The following ADAMTS19 variants were observed in gnomAD, a reference collection of about 807,000 sequenced individuals.
The protein encoded by ADAMTS19 is ADAM metallopeptidase with thrombospondin type 1 motif 19.
ADAMTS19 carries 93 observed loss-of-function variants against 153.3 expected under a neutral mutation model. The ratio of observed to expected loss-of-function variants is 0.61; its 90% CI spans 0.51 to 0.72. The LOEUF (loss-of-function observed/expected upper bound fraction) is 0.72. ADAMTS19 is among the 30% of genes least tolerant of loss of function. The probability of loss-of-function intolerance (pLI) is 0.00; values close to 1 mark genes in which losing one functional copy is unlikely to be tolerated. For synonymous variants in ADAMTS19, 600 were observed against 556.6 expected (o/e 1.08, Z -1.10); for missense variants, 1,482 against 1,552.1 (o/e 0.95, Z 0.76).
intron 21 of ADAMTS19, among the ~76,000 whole-genome samples, chr5:129,722,557 C>T (rs552115785): frequency 1.3e-5 from 2 of 152,122 alleles, no homozygotes; most frequent in Non-Finnish European, 2.9e-5. Context: ...CCTTTTCATT[C>T]TGACGATAGT....
intron 8 of ADAMTS19, among the ~76,000 whole-genome samples, chr5:129,606,906 AT>A (rs1750923967): frequency 2.1e-4 from 1 of 4,768 alleles, no homozygotes; most frequent in Non-Finnish European, 1.2e-3. Flanking sequence ...TTTCCACTTT[AT>A]TTATTTATTT....
chr5:129,656,156 T>A (rs1753539915), intron 14 of ADAMTS19, among the ~76,000 whole-genome samples: 1 of 152,146 alleles, frequency 6.6e-6, no homozygotes, highest in Non-Finnish European at 1.5e-5. Flanking sequence ...TGGGTAAAAA[T>A]TAAAATTATA....
At chr5:129,653,990 TG>T (rs981199731) in intron 13 of ADAMTS19, among the ~76,000 whole-genome samples, 24 of 152,174 alleles carry the variant, frequency 1.6e-4, no homozygotes, top group South Asian at 4.1e-4. Flanking sequence ...AGCATAAAAT[TG>T]GGGTGTGCCA....
intron 6 of ADAMTS19, among the ~76,000 whole-genome samples, chr5:129,547,773 T>A (rs963864768): frequency 1.3e-5 from 2 of 150,476 alleles, no homozygotes; most frequent in Admixed American, 6.6e-5. Context: ...GACTTCAAAC[T>A]ACACTACAAG....
rs376828787 is a variant in ADAMTS19 at position 129,654,735 on chromosome 5, CA to C, written c.2304+306del. Among the ~76,000 whole-genome samples, 357 of 152,062 alleles carry C rather than the reference CA, an allele frequency of 2.3e-3. 1 individual carries two copies. The highest frequency in any genetic ancestry group is 7.5e-3 in the African/African-American group (311 of 41,466). Reference sequence around the variant, plus strand: ...TTGGAGCACTTTGGACATTTTATGTCAAAATATTTCAGACCAAAAATTCAAG... The same window carrying C: ...TTGGAGCACTTTGGACATTTTATGTCAAATATTTCAGACCAAAAATTCAAG... On this transcript the variant is annotated intron_variant, in intron 14 of 22. Transcript: ENST00000274487.
intron 6 of ADAMTS19, among the ~76,000 whole-genome samples, chr5:129,551,453 T>C (rs1753092620): frequency 1.3e-5 from 2 of 151,768 alleles, no homozygotes; most frequent in African/African-American, 4.8e-5. Context: ...TTGTTTTAAG[T>C]TGTATTTCTT....
chr5:129,668,133 G>C (rs895422632), intron 16 of ADAMTS19, among the ~76,000 whole-genome samples: 12 of 152,130 alleles, frequency 7.9e-5, no homozygotes, highest in Admixed American at 6.5e-4. Flanking sequence ...GCATTCCTTC[G>C]CTTGTGACCT....
intron 20 of ADAMTS19, among the ~76,000 whole-genome samples, chr5:129,703,310 C>A (rs1411009934): frequency 6.6e-6 from 1 of 151,668 alleles, no homozygotes; most frequent in Non-Finnish European, 1.5e-5. Context: ...TACATATGTG[C>A]TTTTATATCA....
At position 129,737,099 on chromosome 5, in the gene ADAMTS19, T is replaced by C. The variant is rs1470634896; in HGVS notation, c.3523T>C (p.Trp1175Arg). Residue 1175 changes from tryptophan (W) to arginine (R), a missense_variant, in exon 23 of 23, where the codon TGG (tryptophan) becomes CGG (arginine). This residue lies in a region of ADAMTS19 where 616 missense variants were observed against 724.4 expected (regional missense o/e 0.85). Transcript: ENST00000274487. ...GACTTTCAAGTGCCTGGGAGATCAG[T>C]GGCCAGTGTACTGCCGAGTGATACG... is the stretch of plus-strand genomic sequence containing the variant. ...ALTFKCLGDQ[W>R]PVYCRVIREK... is the part of the protein sequence containing the mutation. The C allele has an allele frequency of 6.2e-7, 1 of 1,603,110 alleles. No individual in the cohort carries two copies. The highest frequency in any genetic ancestry group is 1.3e-5 in the African/African-American group (1 of 74,574).
At chr5:129,672,010 G>A (rs1437998141) in intron 16 of ADAMTS19, among the ~76,000 whole-genome samples, 1 of 152,168 alleles carries the variant, frequency 6.6e-6, no homozygotes, top group African/African-American at 2.4e-5. Context: ...CATGGACTTT[G>A]TGGCTTATAA....
chr5:129,723,787 A>G (rs1173690291), intron 21 of ADAMTS19, among the ~76,000 whole-genome samples: 1 of 152,198 alleles, frequency 6.6e-6, no homozygotes, highest in African/African-American at 2.4e-5. Context: ...AAATTCTGAG[A>G]ACGTGTACCC....
At chr5:129,572,856 T>C (rs1027908367) in intron 7 of ADAMTS19, among the ~76,000 whole-genome samples, 1 of 151,934 alleles carries the variant, frequency 6.6e-6, no homozygotes, top group South Asian at 2.1e-4. Flanking sequence ...CACAAATCAA[T>C]AGAAGTGTTA....
At chr5:129,504,342 T>C (rs142090739) in intron 2 of ADAMTS19, among the ~76,000 whole-genome samples, 2 of 152,194 alleles carry the variant, frequency 1.3e-5, no homozygotes, top group Admixed American at 6.6e-5. Context: ...TTAGTTATTA[T>C]GATATGCTAT....
At chr5:129,674,647 A>G (rs550224736) in intron 16 of ADAMTS19, among the ~76,000 whole-genome samples, 98 of 152,270 alleles carry the variant, frequency 6.4e-4, no homozygotes, top group African/African-American at 2.3e-3. Flanking sequence ...ACCACTTTAT[A>G]TATAATGTAA....
chr5:129,482,061 T>G (rs1286513385), intron 2 of ADAMTS19, among the ~76,000 whole-genome samples: 5 of 152,158 alleles, frequency 3.3e-5, no homozygotes, highest in African/African-American at 1.2e-4. Context: ...TTCACTGCTT[T>G]CCCAAAAAAT....
chr5:129,535,548 T>A (rs1341679210), intron 6 of ADAMTS19, among the ~76,000 whole-genome samples: 1 of 152,110 alleles, frequency 6.6e-6, no homozygotes, highest in Non-Finnish European at 1.5e-5. Flanking sequence ...CTTCACAGAA[T>A]TGGAAAAAGC....
Position 129,509,099 on chromosome 5 carries a change from AG to A in ADAMTS19, c.772del (p.Asp258ThrfsTer14). Reference sequence around the variant, plus strand: ...CAGATGGGATTTATACAGCTCAATGAGGACTTCATATTTATTGAGCCACTCA... The same window carrying A: ...CAGATGGGATTTATACAGCTCAATGAGACTTCATATTTATTGAGCCACTCA... ...GGLMGFIQLN[E>X]DFIFIEPLND... is the part of the protein sequence containing the mutation. On this transcript the variant is annotated frameshift_variant, in exon 3 of 23. Transcript: ENST00000274487. LOFTEE classifies it high-confidence loss of function. 1.2e-6 allele frequency: 2 copies of A among 1,610,270 alleles called. No individual in the cohort carries two copies. The highest frequency in any genetic ancestry group is 8.5e-7 in the Non-Finnish European group (1 of 1,177,896).
chr5:129,720,670 T>C (rs2127199267), intron 21 of ADAMTS19, among the ~76,000 whole-genome samples: 1 of 152,282 alleles, frequency 6.6e-6, no homozygotes, highest in South Asian at 2.1e-4. Flanking sequence ...GACAGTCCAG[T>C]GGATGCCAGA....
chr5:129,483,812 ATT>A (rs1750499438), intron 2 of ADAMTS19, among the ~76,000 whole-genome samples: 1 of 152,144 alleles, frequency 6.6e-6, no homozygotes, highest in Admixed American at 6.6e-5. Context: ...AATAACAATA[ATT>A]TCATAATATA....
Sources: gnomAD v4.1 joint callset for allele counts (sites outside exome capture counted in the v4.1 genomes callset) on GRCh38, gnomAD v4.1.1 for gene constraint, gnomAD v4.1.1 regional missense constraint, MANE v1.5 for transcripts, NCBI Gene and HGNC (gene_info 2026-07-23, HGNC 2026-07-21) for gene names.